JPH3: variants seen among roughly 807,000 people sequenced by gnomAD.
JPH3 encodes the protein junctophilin-3.
A neutral mutation model predicts 59.6 loss-of-function variants in JPH3; 11 were observed. The observed-to-expected ratio is 0.18, with a 90% CI of 0.12 to 0.31. JPH3 has a LOEUF of 0.31. Ranked by LOEUF, JPH3 falls within the 10% of genes least tolerant of loss-of-function variation. JPH3 has a pLI of 1.00. For synonymous variants in JPH3, 673 were observed against 483.6 expected (o/e 1.39, Z -5.14); for missense variants, 1,202 against 1,105.7 (o/e 1.09, Z -1.24).
chr16:87,607,619 G>A (rs1273238462), intron 1 of JPH3, among the ~76,000 whole-genome samples: 5 of 152,246 alleles, frequency 3.3e-5, no homozygotes, highest in Non-Finnish European at 5.9e-5. Flanking sequence ...GGTGTGCTTC[G>A]TTTCCATTTT....
intron 1 of JPH3, among the ~76,000 whole-genome samples, chr16:87,634,008 G>T (rs1055165090): frequency 6.6e-6 from 1 of 152,142 alleles, no homozygotes; most frequent in Non-Finnish European, 1.5e-5. Context: ...AATACCTTGC[G>T]GCATAGGATT....
chr16:87,623,638 G>C (rs928584813), intron 1 of JPH3, among the ~76,000 whole-genome samples: 1 of 152,118 alleles, frequency 6.6e-6, no homozygotes, highest in East Asian at 1.9e-4. Flanking sequence ...CCCGAGTTCC[G>C]GACCCCCTCA....
chr16:87,680,865 C>T (rs888152065), intron 2 of JPH3, among the ~76,000 whole-genome samples: 1 of 152,208 alleles, frequency 6.6e-6, no homozygotes, highest in African/African-American at 2.4e-5. Context: ...TATATGTAAA[C>T]ACACGTATGA....
rs914000112 is a variant in JPH3 at position 87,611,824 on chromosome 16, A to C, written c.382+8296A>C. The stretch of plus-strand genomic sequence containing the variant: ...CTGCTGATCTGGGGACCTCACATTA[A>C]GAACCACAGTCCTGGGCTTGTGCCT... On this transcript the variant is annotated intron_variant, in intron 1 of 4. Coordinates refer to ENST00000284262, the MANE Select transcript of JPH3 (RefSeq NM_020655.4). The surrounding 1 kb of genome is among the most constrained non-coding windows in gnomAD (Gnocchi z 4.5). 6.6e-6 allele frequency among the ~76,000 whole-genome samples: 1 copy of C among 152,238 alleles called. No homozygotes were observed. The highest frequency in any genetic ancestry group is 1.5e-5 in the Non-Finnish European group (1 of 68,040).
chr16:87,683,494 C>T lies in JPH3; in HGVS notation c.1161-648C>T, dbSNP rs190752985. On this transcript the variant is annotated intron_variant, in intron 2 of 4. Coordinates refer to ENST00000284262, the MANE Select transcript of JPH3 (RefSeq NM_020655.4). ...TAATTTTTGTAATTTTTAGTAGAGA[C>T]GGAGTTTCACCATGTTGTGCAGGCT... Among the ~76,000 whole-genome samples, 253 of 151,940 alleles carry T rather than the reference C, an allele frequency of 1.7e-3. 1 individual carries two copies. Among genetic ancestry groups the T allele is most frequent in the African/African-American group, 5.7e-3 (235 of 41,442 alleles).
chr16:87,696,460 C>G lies in JPH3; in HGVS notation c.2167-120C>G, dbSNP rs548018456. 16 of 797,898 alleles carry G rather than the reference C, an allele frequency of 2.0e-5. No homozygotes were observed. In the African/African-American group the frequency reaches 2.5e-4, roughly 13 times the overall value. 49.4% of individuals were successfully genotyped at this position (797,898 alleles called of 1,614,324 possible). The stretch of plus-strand genomic sequence containing the variant: ...GTGTCCAAGCGTTTCTAACATCCTC[C>G]CGTACGCTTCCACCCCCGAGGGTCT... On this transcript the variant is annotated intron_variant, in intron 4 of 4. Coordinates refer to ENST00000284262, the MANE Select transcript of JPH3 (RefSeq NM_020655.4).
chr16:87,691,301 G>A (rs1185542427), intron 4 of JPH3, among the ~76,000 whole-genome samples: 2 of 152,180 alleles, frequency 1.3e-5, no homozygotes, highest in East Asian at 3.9e-4. Context: ...CAGGAATGAA[G>A]GGCTTTGGGA....
At chr16:87,692,185 T>G (rs1472621234) in intron 4 of JPH3, among the ~76,000 whole-genome samples, 2 of 129,600 alleles carry the variant, frequency 1.5e-5, no homozygotes, top group Admixed American at 7.7e-5. Flanking sequence ...CTGGTGCTGG[T>G]GCAAACAAGG....
chr16:87,677,718 G>T (rs1048933535), intron 2 of JPH3, among the ~76,000 whole-genome samples: 3 of 152,234 alleles, frequency 2.0e-5, no homozygotes, highest in African/African-American at 7.2e-5. Flanking sequence ...GGGCTGGAAG[G>T]CTCCTTACAG....
In JPH3 at chr16:87,611,046, C is replaced by T. The variant is rs1362797847; in HGVS notation, c.382+7518C>T. 6.6e-6 allele frequency among the ~76,000 whole-genome samples: 1 copy of T among 152,200 alleles called. No homozygotes were observed. The highest frequency in any genetic ancestry group is 2.4e-5 in the African/African-American group (1 of 41,452). Reference sequence around the variant, plus strand: ...TCAGGTCCAACCTCAGTGAATCAGCCTTAAGTATTTGCTGAGCATTGAGTA... The same window carrying T: ...TCAGGTCCAACCTCAGTGAATCAGCTTTAAGTATTTGCTGAGCATTGAGTA... On this transcript the variant is annotated intron_variant, in intron 1 of 4. Transcript: ENST00000284262. This position sits in a 1 kb window ranked among gnomAD's most constrained non-coding sequence, Gnocchi z 4.5.
Position 87,611,904 on chromosome 16 carries a change from A to C in JPH3, c.382+8376A>C, listed in dbSNP as rs1447589594. Among the ~76,000 whole-genome samples the C allele has an allele frequency of 6.6e-6, 1 of 152,182 alleles. No homozygotes were observed. The highest frequency in any genetic ancestry group is 2.4e-5 in the African/African-American group (1 of 41,456). On this transcript the variant is annotated intron_variant, in intron 1 of 4. Transcript: ENST00000284262. This position sits in a 1 kb window ranked among gnomAD's most constrained non-coding sequence, Gnocchi z 4.5. ...AAGAATGTCCCTGGGAGACGGTTAGAAATGCAGCGTGTCAGGCCTGCCTGA... is the reference window on the plus strand; with the variant it reads ...AAGAATGTCCCTGGGAGACGGTTAGCAATGCAGCGTGTCAGGCCTGCCTGA...
intron 3 of JPH3, among the ~76,000 whole-genome samples, chr16:87,687,914 C>G (rs1205606473): frequency 6.6e-6 from 1 of 151,308 alleles, no homozygotes; most frequent in African/African-American, 2.5e-5. Flanking sequence ...GAATGCCAGC[C>G]CCTTGGAAGT....
intron 2 of JPH3, among the ~76,000 whole-genome samples, chr16:87,655,511 G>A (rs1364352255): frequency 6.6e-6 from 1 of 152,004 alleles, no homozygotes; most frequent in South Asian, 2.1e-4. Flanking sequence ...GCACCACCAC[G>A]CCCAGCTAAC....
intron 4 of JPH3, 39 bp downstream of exon 4, chr16:87,690,565 A>G: frequency 1.4e-6 from 2 of 1,435,970 alleles, no homozygotes; most frequent in East Asian, 2.6e-5. Context: ...AGTGGAGGCA[A>G]CATCCACCTC....
chr16:87,644,249 T>A lies in JPH3; in HGVS notation c.383-9T>A. 6.3e-7 allele frequency: 1 copy of A among 1,593,176 alleles called. No homozygotes were observed. The highest frequency in any genetic ancestry group is 8.6e-7 in the Non-Finnish European group (1 of 1,169,262). On this transcript the variant is annotated splice_polypyrimidine_tract_variant and intron_variant, in intron 1 of 4. Transcript: ENST00000284262. ...CTGGGCACTCACCCCTCTCTCATTTTCTCCCCAGGGACCTACCAGGGCCAG... is the reference window on the plus strand; with the variant it reads ...CTGGGCACTCACCCCTCTCTCATTTACTCCCCAGGGACCTACCAGGGCCAG...
chr16:87,681,452 G>A (rs1278405227), intron 2 of JPH3, among the ~76,000 whole-genome samples: 2 of 137,638 alleles, frequency 1.5e-5, no homozygotes, highest in Non-Finnish European at 3.1e-5. Flanking sequence ...AGTGCCGGGA[G>A]GTCAGGTGCG....
rs765642185 is a variant in JPH3, at chr16:87,611,523, C to T, written c.382+7995C>T. On this transcript the variant is annotated intron_variant, in intron 1 of 4. Transcript: ENST00000284262. This position sits in a 1 kb window ranked among gnomAD's most constrained non-coding sequence, Gnocchi z 4.5. ...ATCTCCCTCCTACCTATGAATGTCA[C>T]GGGTATTGTTCTGGACCCAGGGAAG... Among the ~76,000 whole-genome samples, 11 of 152,294 alleles carry T rather than the reference C, an allele frequency of 7.2e-5. No homozygotes were observed. The highest frequency in any genetic ancestry group is 3.9e-4 in the East Asian group (2 of 5,180).
intron 1 of JPH3, among the ~76,000 whole-genome samples, chr16:87,608,351 G>T (rs928332821): frequency 7.2e-5 from 11 of 152,214 alleles, no homozygotes; most frequent in Admixed American, 1.3e-4. Context: ...AACGCCCTTT[G>T]TGTCCTTAGA....
At chr16:87,652,175 C>T (rs930942171) in intron 2 of JPH3, among the ~76,000 whole-genome samples, 4 of 152,130 alleles carry the variant, frequency 2.6e-5, no homozygotes, top group African/African-American at 9.7e-5. Flanking sequence ...TGGGGTTTCA[C>T]CGTATTAGCT....
Sources: allele counts gnomAD v4.1 joint callset (sites outside exome capture counted in the v4.1 genomes callset), GRCh38; gene constraint gnomAD v4.1.1; non-coding constraint Gnocchi (gnomAD v3.1); transcripts MANE v1.5; gene names NCBI Gene and HGNC (gene_info 2026-07-23, HGNC 2026-07-21).